ATP13A5: variants seen among roughly 807,000 people sequenced by gnomAD.
ATP13A5 encodes probable cation-transporting ATPase 13A5.
A neutral mutation model predicts 150.2 loss-of-function variants in ATP13A5; 149 were observed. The ratio of observed to expected loss-of-function variants is 0.99; its 90% confidence interval spans 0.87 to 1.14. The LOEUF (loss-of-function observed/expected upper bound fraction) is 1.14. Ranked by LOEUF, ATP13A5 falls within the 50% of genes most tolerant of loss-of-function variation. The pLI is 0.00. For missense variants in ATP13A5, 1,383 were observed against 1,449.3 expected (o/e 0.95, Z 0.74); for synonymous variants, 497 against 522.2 (o/e 0.95, Z 0.66).
At chr3:193,374,379 A>G (rs1713564254) in intron 1 of ATP13A5, among the ~76,000 whole-genome samples, 1 of 151,276 alleles carries the variant, frequency 6.6e-6, no homozygotes, top group African/African-American at 2.4e-5. Flanking sequence ...GAGGTGGCTC[A>G]TGCCTATAAT....
chr3:193,335,134 G>A, intron 9 of ATP13A5, 35 bp from the exon 10 acceptor site: 1 of 1,605,316 alleles, frequency 6.2e-7, no homozygotes, highest in Non-Finnish European at 8.5e-7. Context: ...ATCTATGTAA[G>A]CTCAGGTAGT....
chr3:193,314,357 C>G, intron 18 of ATP13A5, 164 bp from the exon 19 acceptor site: 13 of 655,478 alleles, frequency 2.0e-5, no homozygotes, highest in Non-Finnish European at 3.3e-5. Context: ...ACTGGGCAAA[C>G]ACTATGTTCC....
Position 193,345,055 on chromosome 3 carries a change from G to T in ATP13A5, c.762C>A (p.Asn254Lys). ...GGACTTTGTTGTGGTCCTCCACGAG[G>T]TTATGCAGCTTAACTGATTGCTACC... ...DLRQQSVKLH[N>K]LVEDHNKVQV... The change falls in exon 8 of 30, where the codon AAC (asparagine) becomes AAA (lysine). Residue 254 changes from asparagine to lysine, a missense_variant. Physicochemically the swap from Asn to Lys is moderately conservative, Grantham distance 94. Coordinates refer to ENST00000342358, the MANE Select transcript of ATP13A5 (RefSeq NM_198505.4). 1 of 1,613,650 alleles carries T rather than the reference G, an allele frequency of 6.2e-7. No individual in the cohort carries two copies.
intron 23 of ATP13A5, 23 bp from the exon 24 acceptor site, chr3:193,301,330 A>G (rs776207383): frequency 5.1e-6 from 8 of 1,583,214 alleles, no homozygotes; most frequent in Non-Finnish European, 1.7e-6. Flanking sequence ...AAATAAAAAT[A>G]AAAATTGGTT....
chr3:193,352,293 A>G (rs1441090118), intron 6 of ATP13A5, among the ~76,000 whole-genome samples: 1 of 152,194 alleles, frequency 6.6e-6, no homozygotes, highest in East Asian at 1.9e-4. Context: ...TTACTTGCAA[A>G]TTATAGCTTT....
chr3:193,321,973 G>T (rs1719297785), intron 15 of ATP13A5, 136 bp from the exon 16 acceptor site: 4 of 716,062 alleles, frequency 5.6e-6, no homozygotes, highest in African/African-American at 3.7e-5. Context: ...CATTGATTTT[G>T]TGTGTGTGTG....
At chr3:193,320,636 C>CGACTTCTAAGGTTT (rs1553815319) in intron 16 of ATP13A5, among the ~76,000 whole-genome samples, 1 of 22,124 alleles carries the variant, frequency 4.5e-5, no homozygotes, top group East Asian at 6.3e-3. Context: ...AGAAAAGGGG[C>CGACTTCTAAGGTTT]TAAAAAAAGA....
chr3:193,301,076 G>A (rs1356873259), intron 24 of ATP13A5, 135 bp downstream of exon 24: 1 of 753,968 alleles, frequency 1.3e-6, no homozygotes, highest in East Asian at 2.6e-5. Context: ...CCAGGTTCCT[G>A]AGTTTGCAGA....
chr3:193,374,242 T>A (rs1359219076), intron 1 of ATP13A5, among the ~76,000 whole-genome samples: 1 of 151,646 alleles, frequency 6.6e-6, no homozygotes, highest in Non-Finnish European at 1.5e-5. Flanking sequence ...CTATGGAGGT[T>A]CCAGTGGTCA....
intron 27 of ATP13A5, chr3:193,281,057 T>C (rs1444080893): frequency 3.6e-6 from 1 of 274,594 alleles, no homozygotes; most frequent in Non-Finnish European, 5.5e-6. Context: ...ATGCAGCACG[T>C]CTCAGAAGTG....
At chr3:193,305,783 T>G (rs892457537) in intron 22 of ATP13A5, 115 bp from the exon 23 acceptor site, 1 of 858,956 alleles carries the variant, frequency 1.2e-6, no homozygotes, top group East Asian at 2.6e-5. Flanking sequence ...TGTTTCATCT[T>G]TGGGTCTCTG....
chr3:193,279,543 G>T, intron 27 of ATP13A5, 89 bp from the exon 28 acceptor site: 1 of 937,806 alleles, frequency 1.1e-6, no homozygotes, highest in Non-Finnish European at 1.7e-6. Flanking sequence ...TCTCTGTTGG[G>T]CAAATACCAG....
chr3:193,293,400 CCACAA>C (rs1189367555), intron 25 of ATP13A5, among the ~76,000 whole-genome samples: 1 of 152,066 alleles, frequency 6.6e-6, no homozygotes. Flanking sequence ...TTCTGAGTTC[CCACAA>C]CACATTACTC....
chr3:193,354,316 A>G (rs1369855832), intron 5 of ATP13A5, 120 bp from the exon 6 acceptor site: 82 of 846,190 alleles, frequency 9.7e-5, no homozygotes, highest in Non-Finnish European at 2.0e-5. Flanking sequence ...TTGATTAAAA[A>G]ATAATGTGCA....
At chr3:193,279,190 A>T (rs1228446748) in intron 28 of ATP13A5, among the ~76,000 whole-genome samples, 176 bp downstream of exon 28, 16 of 152,246 alleles carry the variant, frequency 1.1e-4, no homozygotes. Context: ...TATGAAAACC[A>T]TTAGAGGCCA....
intron 26 of ATP13A5, among the ~76,000 whole-genome samples, chr3:193,287,602 A>G (rs1717772385): frequency 6.6e-6 from 1 of 152,174 alleles, no homozygotes; most frequent in African/African-American, 2.4e-5. Context: ...GAAAAAAAAG[A>G]TTCCTTTCAA....
chr3:193,366,913 A>G (rs1288732079), intron 1 of ATP13A5, among the ~76,000 whole-genome samples: 1 of 152,104 alleles, frequency 6.6e-6, no homozygotes, highest in African/African-American at 2.4e-5. Flanking sequence ...ATTCCCAAAT[A>G]TTTGGAAAGT....
At chr3:193,311,547 G>A (rs565600407) in intron 20 of ATP13A5, among the ~76,000 whole-genome samples, 34 of 152,264 alleles carry the variant, frequency 2.2e-4, no homozygotes, top group African/African-American at 8.2e-4. Flanking sequence ...CTCCTGGGTG[G>A]GGAGGGAAAG....
chr3:193,324,855 T>A lies in ATP13A5; in HGVS notation c.1674+9A>T. 6.2e-7 allele frequency: 1 copy of A among 1,610,954 alleles called. No homozygotes were observed. Among genetic ancestry groups the A allele is most frequent in the Non-Finnish European group, 8.5e-7 (1 of 1,179,076 alleles). The stretch of plus-strand genomic sequence containing the variant: ...AGATTCTCATCTTTCCATTAAACTA[T>A]CACCTTACCCAGGCAGTGCCCTCAA... On this transcript the variant is annotated intron_variant, in intron 14 of 29. Coordinates refer to ENST00000342358, the MANE Select transcript of ATP13A5 (RefSeq NM_198505.4).
Sources: allele counts gnomAD v4.1 joint callset (sites outside exome capture counted in the v4.1 genomes callset), GRCh38; gene constraint gnomAD v4.1.1; transcripts MANE v1.5; gene names NCBI Gene and HGNC (gene_info 2026-07-23, HGNC 2026-07-21).